TANC2: variants seen among roughly 807,000 people sequenced by gnomAD.
TANC2 encodes the protein tetratricopeptide repeat, ankyrin repeat and coiled-coil containing 2, also known as protein TANC2.
Under a neutral mutation model 210.5 loss-of-function variants are expected in TANC2, and 26 were observed. The observed-to-expected ratio is 0.12, with a 90% CI of 0.09 to 0.17. TANC2 has a LOEUF of 0.17. Among genes scored for constraint, TANC2 ranks in the 10% least tolerant of loss-of-function variants. The pLI is 1.00. For missense variants in TANC2, 2,129 were observed against 2,608.9 expected, an observed-to-expected ratio of 0.82 and a Z score of 4.01; for synonymous variants, 931 against 967.1, an observed-to-expected ratio of 0.96 and a Z score of 0.69.
intron 1 of TANC2, among the ~76,000 whole-genome samples, chr17:63,002,933 G>A (rs1025819266): frequency 1.3e-5 from 2 of 152,120 alleles, no homozygotes; most frequent in African/African-American, 2.4e-5. Context: ...TATGAAAATT[G>A]TTGTACTAGT....
At chr17:63,165,797 A>G (rs1171964279) in intron 5 of TANC2, among the ~76,000 whole-genome samples, 6 of 152,238 alleles carry the variant, frequency 3.9e-5, no homozygotes, top group Admixed American at 3.9e-4. Context: ...ATCCAGGCCA[A>G]TAAGGGAATA....
At chr17:63,024,600 G>T (rs1405227390) in intron 2 of TANC2, among the ~76,000 whole-genome samples, 1 of 152,138 alleles carries the variant, frequency 6.6e-6, no homozygotes. Context: ...AGCCCAGTAG[G>T]TCTCGGCCTT....
chr17:62,989,940 T>C (rs1020863156), intron 1 of TANC2, among the ~76,000 whole-genome samples: 1 of 151,742 alleles, frequency 6.6e-6, no homozygotes, highest in Non-Finnish European at 1.5e-5. Flanking sequence ...CTGGCTAATT[T>C]TTTTTGTATT....
chr17:63,268,448 CAT>C (rs1451583102), intron 9 of TANC2, among the ~76,000 whole-genome samples: 49 of 152,168 alleles, frequency 3.2e-4, no homozygotes, highest in African/African-American at 1.1e-3. Flanking sequence ...GTGTATGAAA[CAT>C]ATGAATTTCT....
intron 1 of TANC2, among the ~76,000 whole-genome samples, chr17:63,009,174 A>G (rs2033756493): frequency 6.6e-6 from 1 of 152,000 alleles, no homozygotes; most frequent in Non-Finnish European, 1.5e-5. Flanking sequence ...TAATAGTTGT[A>G]TATATTTATG....
At chr17:63,358,376 A>AT (rs1555641222) in intron 14 of TANC2, among the ~76,000 whole-genome samples, 1,447 of 80,890 alleles carry the variant, frequency 0.018, 21 homozygotes, top group African/African-American at 0.048. Context: ...AGAGAGAGAG[A>AT]GTATGTGTGT....
At chr17:63,086,727 T>C (rs2036980254) in intron 3 of TANC2, among the ~76,000 whole-genome samples, 1 of 152,226 alleles carries the variant, frequency 6.6e-6, no homozygotes, top group Admixed American at 6.5e-5. Context: ...AAGTGGGGAC[T>C]TGGAGAACTT....
At chr17:63,386,662 C>T (rs921853776) in intron 15 of TANC2, among the ~76,000 whole-genome samples, 4 of 151,946 alleles carry the variant, frequency 2.6e-5, no homozygotes, top group African/African-American at 2.4e-5. Context: ...ATGTATTTTG[C>T]GTATATATAG....
In TANC2 at chr17:63,292,712, T is replaced by C. The variant is rs60415649; in HGVS notation, c.1160-21676T>C. Among the ~76,000 whole-genome samples, 706 of 152,296 alleles carry C rather than the reference T, an allele frequency of 4.6e-3. 9 individuals are homozygous for C. Among genetic ancestry groups the C allele is most frequent in the African/African-American group, 0.016 (669 of 41,578 alleles). The stretch of plus-strand genomic sequence containing the variant: ...TGTGTGTGGGATGGGGTGATTATGA[T>C]TACACTGGATGTCTCTGTTGGCTTG... On this transcript the variant is annotated intron_variant, in intron 9 of 27. Coordinates refer to ENST00000689528, the Ensembl canonical transcript of TANC2.
At chr17:63,413,282 G>A (rs530075923) in intron 24 of TANC2, 1 of 349,306 alleles carries the variant, frequency 2.9e-6, no homozygotes, top group East Asian at 4.6e-5. Context: ...TTGCCCACAT[G>A]CAGCACGCAG....
intron 2 of TANC2, among the ~76,000 whole-genome samples, chr17:63,026,943 A>G (rs1367546720): frequency 6.6e-6 from 1 of 152,136 alleles, no homozygotes; most frequent in Non-Finnish European, 1.5e-5. Flanking sequence ...CCATGTTGGT[A>G]AAGAAGGAAG....
intron 17 of TANC2, 70 bp from the exon 18 acceptor site, chr17:63,395,673 C>T (rs966516677): frequency 2.3e-5 from 32 of 1,414,292 alleles, no homozygotes; most frequent in South Asian, 2.5e-5. Flanking sequence ...TGTGCAGTGG[C>T]GGATGTGACT....
intron 8 of TANC2, among the ~76,000 whole-genome samples, chr17:63,246,227 C>A (rs1321793919): frequency 7.2e-6 from 1 of 139,736 alleles, no homozygotes; most frequent in Non-Finnish European, 1.5e-5. Context: ...AAGATGAGTA[C>A]CCAAACTGGC....
chr17:63,355,533 A>T (rs766050237), intron 14 of TANC2, 143 bp downstream of exon 14: 691 of 928,538 alleles, frequency 7.4e-4, no homozygotes, highest in Middle Eastern at 4.1e-3. Context: ...AGGCAAGGCT[A>T]TAATGAGGTT....
At chr17:63,316,000 C>T (rs1297491385) in intron 10 of TANC2, among the ~76,000 whole-genome samples, 2 of 152,038 alleles carry the variant, frequency 1.3e-5, no homozygotes, top group Non-Finnish European at 2.9e-5. Context: ...AGTCAGGAGC[C>T]CAGGGTTTGT....
chr17:63,023,420 A>G (rs2034429960), intron 2 of TANC2, among the ~76,000 whole-genome samples: 1 of 152,168 alleles, frequency 6.6e-6, no homozygotes, highest in Non-Finnish European at 1.5e-5. Context: ...TGCCCAGACT[A>G]GACTCGAACT....
intron 2 of TANC2, among the ~76,000 whole-genome samples, chr17:63,032,295 C>T (rs996151678): frequency 2.6e-5 from 4 of 152,116 alleles, no homozygotes; most frequent in Non-Finnish European, 4.4e-5. Context: ...CACCCTTTGA[C>T]AAGTCAGTTA....
At chr17:63,136,380 T>C (rs1273212090) in intron 4 of TANC2, among the ~76,000 whole-genome samples, 9 of 152,210 alleles carry the variant, frequency 5.9e-5, no homozygotes, top group Non-Finnish European at 1.0e-4. Context: ...AACATACTTA[T>C]TCTGAGTTAC....
chr17:63,194,003 A>G (rs1567803461), exon 6 of TANC2: 1 of 1,612,870 alleles, frequency 6.2e-7, no homozygotes, highest in African/African-American at 1.3e-5. Context: ...GATGCTGAAC[A>G]GGAGCTTGGC....
Sources: allele counts gnomAD v4.1 joint callset (sites outside exome capture counted in the v4.1 genomes callset), GRCh38; gene constraint gnomAD v4.1.1; transcripts MANE v1.5; gene names NCBI Gene and HGNC (gene_info 2026-07-23, HGNC 2026-07-21).